Variants in ULK4 observed in about 807,000 individuals in gnomAD.
ULK4 encodes inactive serine/threonine-protein kinase ULK4.
ULK4 carries 133 observed loss-of-function variants against 160.6 expected under a neutral mutation model. That is an observed-to-expected ratio of 0.83 (90% CI 0.72 to 0.96). The LOEUF is 0.96. Ranked by LOEUF, ULK4 falls within the 40% of genes least tolerant of loss-of-function variation. The probability of loss-of-function intolerance (pLI) is 0.00; values close to 1 mark genes in which losing one functional copy is unlikely to be tolerated. For synonymous variants in ULK4, 534 were observed against 539.8 expected (o/e 0.99, Z 0.15); for missense variants, 1,580 against 1,499.5 (o/e 1.05, Z -0.89).
intron 29 of ULK4, among the ~76,000 whole-genome samples, chr3:41,665,447 A>C (rs1487704309): frequency 6.6e-6 from 1 of 152,192 alleles, no homozygotes; most frequent in Non-Finnish European, 1.5e-5. Flanking sequence ...CTGAGAGCCC[A>C]CTACACACCA....
At chr3:41,831,531 A>ATATATATATTTTT in intron 18 of ULK4, among the ~76,000 whole-genome samples, 234 of 138,116 alleles carry the variant, frequency 1.7e-3, no homozygotes, top group African/African-American at 6.4e-3. Context: ...ATATATATAT[A>ATATATATATTTTT]TTTTTTTTTC....
At chr3:41,805,762 T>C (rs1233314985) in intron 19 of ULK4, among the ~76,000 whole-genome samples, 20 of 150,148 alleles carry the variant, frequency 1.3e-4, no homozygotes, top group South Asian at 8.5e-4. Context: ...TTGTCTTTGG[T>C]TCTGTTTATA....
intron 32 of ULK4, among the ~76,000 whole-genome samples, chr3:41,543,035 C>A (rs777885142): frequency 1.2e-4 from 18 of 152,034 alleles, no homozygotes; most frequent in Non-Finnish European, 2.5e-4. Context: ...AAAGAACAGC[C>A]ACAGAGAAGC....
intron 30 of ULK4, among the ~76,000 whole-genome samples, chr3:41,651,423 G>A (rs1157490320): frequency 6.6e-6 from 1 of 152,154 alleles, no homozygotes; most frequent in Non-Finnish European, 1.5e-5. Flanking sequence ...CTAGTGGAAG[G>A]TATGTTTGTT....
chr3:41,897,329 C>A (rs1698194951), intron 14 of ULK4, among the ~76,000 whole-genome samples: 1 of 152,044 alleles, frequency 6.6e-6, no homozygotes, highest in South Asian at 2.1e-4. Context: ...ACAAAAGAGC[C>A]TTTGTATAAA....
In ULK4 at chr3:41,350,191, C is replaced by T. The variant is rs990834565; in HGVS notation, c.3678+47888G>A. 2.0e-5 allele frequency among the ~76,000 whole-genome samples: 3 copies of T among 152,156 alleles called. No homozygotes were observed. In the East Asian group the frequency reaches 5.8e-4, roughly 29 times the overall value. ...AAAAAATAGTCTTATAAAATCCTTA[C>T]TTAACTGTCTCTGTCTTCTCAGCAG... is the stretch of plus-strand genomic sequence containing the variant. On this transcript the variant is annotated intron_variant, in intron 35 of 36. Coordinates refer to ENST00000301831, the MANE Select transcript of ULK4 (RefSeq NM_017886.4).
At chr3:41,295,796 A>C (rs2079656751) in intron 35 of ULK4, among the ~76,000 whole-genome samples, 2 of 152,216 alleles carry the variant, frequency 1.3e-5, no homozygotes, top group East Asian at 3.8e-4. Context: ...GCAAGGATGC[A>C]GAGCAACAGG....
chr3:41,404,671 T>C (rs1162580793), intron 34 of ULK4, among the ~76,000 whole-genome samples: 1 of 152,006 alleles, frequency 6.6e-6, no homozygotes, highest in Non-Finnish European at 1.5e-5. Flanking sequence ...ACAGAGGGAG[T>C]AGAGTCATTA....
At chr3:41,900,178 G>T (rs1251936330) in intron 13 of ULK4, among the ~76,000 whole-genome samples, 1 of 151,766 alleles carries the variant, frequency 6.6e-6, no homozygotes, top group Non-Finnish European at 1.5e-5. Context: ...AACTCACACT[G>T]GTTTAGAAGT....
Position 41,862,785 on chromosome 3 carries a change from C to CT in ULK4, c.1656+21088_1656+21089insA, listed in dbSNP as rs376633649. On this transcript the variant is annotated intron_variant, in intron 17 of 36. Coordinates refer to ENST00000301831, the MANE Select transcript of ULK4 (RefSeq NM_017886.4). ...AGTCAGTCTCTCTCTCTCTCTCTCT[C>CT]CGCTCCCCCCCCCCTTTCTCTCTCT... 5.7e-5 allele frequency among the ~76,000 whole-genome samples: 7 copies of CT among 123,854 alleles called. No homozygotes were observed. The East Asian group carries it at 1.0e-3, about 18-fold the overall frequency. 81.3% of individuals were successfully genotyped at this position (123,854 alleles called of 152,430 possible).
chr3:41,703,423 A>G (rs1320839153), intron 27 of ULK4, among the ~76,000 whole-genome samples: 1 of 152,172 alleles, frequency 6.6e-6, no homozygotes, highest in Non-Finnish European at 1.5e-5. Flanking sequence ...ATATATTAAT[A>G]ACCCATGAGT....
At chr3:41,676,908 C>CT (rs11304353) in intron 29 of ULK4, among the ~76,000 whole-genome samples, 8,315 of 91,088 alleles carry the variant, frequency 0.091, 1,026 homozygotes, top group African/African-American at 0.26. Context: ...CACCCCCAAC[C>CT]TTTTTTTTTT....
intron 30 of ULK4, among the ~76,000 whole-genome samples, chr3:41,657,625 C>A (rs1223206633): frequency 6.6e-6 from 1 of 151,790 alleles, no homozygotes; most frequent in Non-Finnish European, 1.5e-5. Flanking sequence ...CAAGACCAGC[C>A]TGGCCAAGAT....
chr3:41,925,825 G>A (rs955532221), intron 5 of ULK4, among the ~76,000 whole-genome samples: 35 of 150,634 alleles, frequency 2.3e-4, no homozygotes, highest in Admixed American at 4.0e-4. Context: ...CAGCATCTCT[G>A]AAAAAAAAAG....
intron 22 of ULK4, among the ~76,000 whole-genome samples, chr3:41,753,716 C>A (rs2038703557): frequency 6.6e-6 from 1 of 152,200 alleles, no homozygotes; most frequent in African/African-American, 2.4e-5. Flanking sequence ...ATATTGACTC[C>A]CAAAGGTACA....
At chr3:41,556,396 A>C (rs1412403281) in intron 32 of ULK4, among the ~76,000 whole-genome samples, 5 of 152,210 alleles carry the variant, frequency 3.3e-5, no homozygotes, top group East Asian at 3.9e-4. Context: ...ATTACTACAG[A>C]AATAGAGAAA....
At chr3:41,473,242 G>A (rs947179685) in intron 32 of ULK4, among the ~76,000 whole-genome samples, 3 of 152,000 alleles carry the variant, frequency 2.0e-5, no homozygotes, top group Non-Finnish European at 2.9e-5. Flanking sequence ...CTTTACCAGA[G>A]TAATTAGGCA....
chr3:41,511,475 G>A (rs2085574958), intron 32 of ULK4, among the ~76,000 whole-genome samples: 1 of 152,168 alleles, frequency 6.6e-6, no homozygotes, highest in South Asian at 2.1e-4. Flanking sequence ...TGATACCACA[G>A]AAACACAAAA....
intron 32 of ULK4, among the ~76,000 whole-genome samples, chr3:41,552,864 C>T (rs928191786): frequency 2.6e-5 from 4 of 151,978 alleles, no homozygotes; most frequent in Non-Finnish European, 5.9e-5. Context: ...CATTACAAGG[C>T]TATGTAACCA....
Sources: gnomAD v4.1 joint callset for allele counts (sites outside exome capture counted in the v4.1 genomes callset) on GRCh38, gnomAD v4.1.1 for gene constraint, MANE v1.5 for transcripts, NCBI Gene and HGNC (gene_info 2026-07-23, HGNC 2026-07-21) for gene names.